EIF4G1: variants seen among roughly 807,000 people sequenced by gnomAD.
EIF4G1 encodes the protein EIF4-gamma.
In EIF4G1, 4 loss-of-function variants were observed where a neutral mutation model predicts 187.8. The observed-to-expected ratio is 0.02, with a 90% CI of 0.01 to 0.05. The LOEUF (loss-of-function observed/expected upper bound fraction) is 0.05, where lower values mean the gene tolerates loss of function less well. Ranked by LOEUF, EIF4G1 falls within the 10% of genes least tolerant of loss-of-function variation. The probability of loss-of-function intolerance (pLI) is 1.00; values close to 1 mark genes in which losing one functional copy is unlikely to be tolerated. For synonymous variants in EIF4G1, 844 were observed against 781.4 expected (o/e 1.08, Z -1.34); for missense variants, 1,647 against 2,081.1 (o/e 0.79, Z 4.06).
chr3:184,317,242 A>G lies in EIF4G1; in HGVS notation c.148-79A>G, dbSNP rs970018384. 12 of 1,503,310 alleles carry G rather than the reference A, an allele frequency of 8.0e-6. No individual in the cohort carries two copies. In the African/African-American group the frequency reaches 8.3e-5, roughly 10 times the overall value. The allele number at this position is 1,503,310 out of a possible 1,614,324, so 93.1% of individuals were successfully genotyped here. On this transcript the variant is annotated intron_variant, in intron 4 of 32. Coordinates refer to ENST00000346169, the MANE Select transcript of EIF4G1 (RefSeq NM_198241.3). The stretch of plus-strand genomic sequence containing the variant: ...AGCCCACAGTACTTCTTTCCAGGCT[A>G]TAGAGACATTGTGGAGTGGCAATTT...
rs1217835541 is a variant in EIF4G1, at chr3:184,335,297, T to TGGGCAGGGGGAAGGGG, written c.*395_*410dup. On this transcript the variant is annotated 3_prime_UTR_variant, in exon 33 of 33. Transcript: ENST00000346169. ...CCCCTGTACCACCCCTGCTGTTGCC[T>TGGGCAGGGGGAAGGGG]GGGCAGGGGGAAGGGGGGGCACGGT... is the stretch of plus-strand genomic sequence containing the variant. 4.1e-6 allele frequency: 1 copy of TGGGCAGGGGGAAGGGG among 246,062 alleles called. No homozygotes were observed. Among genetic ancestry groups the TGGGCAGGGGGAAGGGG allele is most frequent in the Non-Finnish European group, 8.1e-6 (1 of 123,048 alleles). 15.2% of individuals were successfully genotyped at this position (246,062 alleles called of 1,614,324 possible). A position where few individuals can be genotyped will look rare whatever the true frequency, so the allele number is the denominator to read the frequency against.
rs1724671410 is a variant in EIF4G1, at chr3:184,325,270, C to T, written c.2858C>T (p.Pro953Leu). 6.2e-7 allele frequency: 1 copy of T among 1,614,106 alleles called. No individual in the cohort carries two copies. Among genetic ancestry groups the T allele is most frequent in the South Asian group, 1.1e-5 (1 of 91,074 alleles). ...GTCTGATGCCTTTCTCCTTCCTAGC[C>T]CCGAATGGATCAGTATTTCAACCAG... ...GKDLDFEKAK[P>L]RMDQYFNQME... The change falls in exon 19 of 33, where the codon CCC (proline) becomes CTC (leucine). Residue 953 changes from proline to leucine, a missense_variant and splice_region_variant. Physicochemically the swap from Pro to Leu is moderately conservative, Grantham distance 98. This residue lies in a region of EIF4G1 where 142 missense variants were observed against 296.6 expected (regional missense o/e 0.48). Coordinates refer to ENST00000346169, the MANE Select transcript of EIF4G1 (RefSeq NM_198241.3). The surrounding 1 kb of genome is among the most constrained non-coding windows in gnomAD (Gnocchi z 5.2).
Position 184,334,446 on chromosome 3 carries a change from TC to T in EIF4G1, c.4619-280del. Among the ~76,000 whole-genome samples the T allele has an allele frequency of 6.6e-6, 1 of 152,206 alleles. No individual in the cohort carries two copies. Among genetic ancestry groups the T allele is most frequent in the South Asian group, 2.1e-4 (1 of 4,836 alleles). ...GGAGTACCAATTCTGAATATAGTTT[TC>T]TCCATTAAATACATCATGGGCAGAG... On this transcript the variant is annotated intron_variant, in intron 32 of 32. Coordinates refer to ENST00000346169, the MANE Select transcript of EIF4G1 (RefSeq NM_198241.3). This position sits in a 1 kb window ranked among gnomAD's most constrained non-coding sequence, Gnocchi z 5.8.
rs752159214 is a variant in EIF4G1 at position 184,334,769 on chromosome 3, T to C, written c.4661T>C (p.Val1554Ala). 2 of 1,614,170 alleles carry C rather than the reference T, an allele frequency of 1.2e-6. No individual in the cohort carries two copies. Among genetic ancestry groups the C allele is most frequent in the East Asian group, 4.5e-5 (2 of 44,876 alleles). The part of the protein sequence containing the change: ...MFFDALYDED[V>A]VKEDAFYSWE... ...TTTGACGCACTGTATGACGAGGACGTGGTGAAGGAGGATGCCTTCTACAGT... is the reference window on the plus strand; with the variant it reads ...TTTGACGCACTGTATGACGAGGACGCGGTGAAGGAGGATGCCTTCTACAGT... Residue 1554 changes from valine to alanine, a missense_variant, in exon 33 of 33, where the codon GTG becomes GCG. Val to Ala is a moderately conservative substitution (Grantham distance 64). This residue lies in a region of EIF4G1 where 543 missense variants were observed against 638.0 expected (regional missense o/e 0.85). Coordinates refer to ENST00000346169, the MANE Select transcript of EIF4G1 (RefSeq NM_198241.3). The surrounding 1 kb of genome is among the most constrained non-coding windows in gnomAD (Gnocchi z 5.8).
intron 28 of EIF4G1, among the ~76,000 whole-genome samples, chr3:184,329,756 G>C (rs1465138919): frequency 6.6e-6 from 1 of 152,220 alleles, no homozygotes; most frequent in Non-Finnish European, 1.5e-5. Context: ...ATTTGTGACA[G>C]GAGGCTTTCA....
In EIF4G1 at chr3:184,317,702, C is replaced by G; in HGVS notation, c.325-15C>G. On this transcript the variant is annotated splice_polypyrimidine_tract_variant and intron_variant, in intron 5 of 32. Coordinates refer to ENST00000346169, the MANE Select transcript of EIF4G1 (RefSeq NM_198241.3). ...TCCCTCAACTCCTTCTCTCCCTCTCCCCCTTCCCCACCAGGGGCGTTCCAC... is the reference window on the plus strand; with the variant it reads ...TCCCTCAACTCCTTCTCTCCCTCTCGCCCTTCCCCACCAGGGGCGTTCCAC... 6.2e-7 allele frequency: 1 copy of G among 1,609,408 alleles called. No homozygotes were observed. Among genetic ancestry groups the G allele is most frequent in the Admixed American group, 1.7e-5 (1 of 60,014 alleles).
At chr3:184,324,390 C>T (rs776811673) in intron 17 of EIF4G1, 43 bp downstream of exon 17, 2 of 1,613,580 alleles carry the variant, frequency 1.2e-6, no homozygotes, top group South Asian at 1.1e-5. Flanking sequence ...CACTTACCTC[C>T]TTCCCTTACC....
chr3:184,317,662 T>TA, intron 5 of EIF4G1, 55 bp from the exon 6 acceptor site: 1 of 1,552,176 alleles, frequency 6.4e-7, no homozygotes. Context: ...TGGAGTCTGA[T>TA]ATGGAACTCA....
chr3:184,331,795 A>G lies in EIF4G1; in HGVS notation c.4463A>G (p.Tyr1488Cys). ...LVRALMTAVC[Y>C]SAIIFETPLR... ...CGAGCCCTCATGACGGCTGTCTGCT[A>G]TTCTGCAATTATTTGTAAGAGGAAC... is the stretch of plus-strand genomic sequence containing the variant. The change falls in exon 31 of 33, where the codon TAT (tyrosine) becomes TGT (cysteine). Residue 1488 changes from tyrosine (Y) to cysteine (C), a missense_variant. Physicochemically the swap from Tyr to Cys is radical, Grantham distance 194. Around this residue, in one of 11 missense-constraint regions of EIF4G1, gnomAD observed 543 missense variants for 638.0 expected, o/e 0.85. Transcript: ENST00000346169. 2 of 1,614,176 alleles carry G rather than the reference A, an allele frequency of 1.2e-6. No individual in the cohort carries two copies. Among genetic ancestry groups the G allele is most frequent in the Non-Finnish European group, 1.7e-6 (2 of 1,180,038 alleles).
chr3:184,321,181 C>A, intron 9 of EIF4G1, 101 bp from the exon 10 acceptor site: 1 of 1,530,188 alleles, frequency 6.5e-7, no homozygotes. Flanking sequence ...GAAGATGATG[C>A]GGGGTTATTA....
chr3:184,333,778 G>T (rs1234842970), intron 32 of EIF4G1, among the ~76,000 whole-genome samples: 9 of 152,210 alleles, frequency 5.9e-5, no homozygotes, highest in African/African-American at 2.2e-4. Flanking sequence ...TTGAAAACAG[G>T]GCTTTTTGTT....
At position 184,325,632 on chromosome 3, in the gene EIF4G1, T is replaced by C; in HGVS notation, c.3114T>C (p.Pro1038=). ...SDKRRGGPPG[P]PISRGLPLVD... The stretch of plus-strand genomic sequence containing the variant: ...AGCGTCGGGGCGGTCCTCCAGGCCC[T>C]CCCATCAGTGAGTTCCAAGCTGGGA... Residue 1038 remains proline (P), a synonymous_variant, in exon 20 of 33, where the codon CCT becomes CCC. Transcript: ENST00000346169. This position sits in a 1 kb window ranked among gnomAD's most constrained non-coding sequence, Gnocchi z 5.2. 1 of 1,614,102 alleles carries C rather than the reference T, an allele frequency of 6.2e-7. No individual in the cohort carries two copies. Among genetic ancestry groups the C allele is most frequent in the Non-Finnish European group, 8.5e-7 (1 of 1,180,022 alleles).
chr3:184,320,032 G>T (rs768333855), intron 7 of EIF4G1, among the ~76,000 whole-genome samples: 2 of 152,168 alleles, frequency 1.3e-5, no homozygotes, highest in African/African-American at 2.4e-5. Flanking sequence ...GCGAGACCTG[G>T]GTGCTGGGGG....
intron 23 of EIF4G1, 51 bp from the exon 24 acceptor site, chr3:184,327,163 CAT>C: frequency 6.2e-7 from 1 of 1,604,958 alleles, no homozygotes; most frequent in Non-Finnish European, 8.5e-7. Context: ...TGTGTAATTA[CAT>C]GAGTGCCTGG....
chr3:184,323,943 T>G lies in EIF4G1; in HGVS notation c.2438T>G (p.Val813Gly). ...EKAISEPNFS[V>G]AYANMCRCLM... ...GCCATTTCAGAGCCCAACTTCTCTGTGGCCTATGCCAACATGTGCCGCTGC... is the reference window on the plus strand; with the variant it reads ...GCCATTTCAGAGCCCAACTTCTCTGGGGCCTATGCCAACATGTGCCGCTGC... The change falls in exon 16 of 33, where the codon GTG becomes GGG. Residue 813 changes from valine (V) to glycine (G), a missense_variant. Val to Gly is a moderately radical substitution (Grantham distance 109). Coordinates refer to ENST00000346169, the MANE Select transcript of EIF4G1 (RefSeq NM_198241.3). This position sits in a 1 kb window ranked among gnomAD's most constrained non-coding sequence, Gnocchi z 6.9. 1 of 1,614,094 alleles carries G rather than the reference T, an allele frequency of 6.2e-7. No homozygotes were observed. The highest frequency in any genetic ancestry group is 8.5e-7 in the Non-Finnish European group (1 of 1,180,042).
Position 184,322,939 on chromosome 3 carries a change from C to A in EIF4G1, c.1914C>A (p.Asp638Glu). ...QKPEGLPHISDVVLDKANKTP... is the reference protein window; with the variant it reads ...QKPEGLPHISEVVLDKANKTP... ...CAGAGGGATTGCCACATATCAGTGA[C>A]GTGGTGCTGGACAAGGTTAGTGGCT... is the stretch of plus-strand genomic sequence containing the variant. Residue 638 changes from aspartate (D) to glutamate (E), a missense_variant, in exon 13 of 33, where the codon GAC becomes GAA. By Grantham distance (45) the Asp-to-Glu change is conservative. This residue lies in a region of EIF4G1 where 140 missense variants were observed against 222.2 expected (regional missense o/e 0.63). Transcript: ENST00000346169. The A allele has an allele frequency of 6.2e-6, 10 of 1,614,134 alleles. No individual in the cohort carries two copies. Among genetic ancestry groups the A allele is most frequent in the Non-Finnish European group, 8.5e-6 (10 of 1,180,028 alleles).
chr3:184,334,857 A>G lies in EIF4G1; in HGVS notation c.4749A>G (p.Thr1583=). The G allele has an allele frequency of 1.2e-6, 2 of 1,614,236 alleles. No individual in the cohort carries two copies. The highest frequency in any genetic ancestry group is 1.7e-6 in the Non-Finnish European group (2 of 1,180,026). The change falls in exon 33 of 33, where the codon ACA becomes ACG. Residue 1583 remains threonine, a synonymous_variant. Transcript: ENST00000346169. This position sits in a 1 kb window ranked among gnomAD's most constrained non-coding sequence, Gnocchi z 5.8. ...QGKGVALKSV[T]AFFKWLREAE... ...AGGGTGTGGCCCTTAAATCTGTCACAGCCTTCTTCAAGTGGCTCCGTGAAG... is the reference window on the plus strand; with the variant it reads ...AGGGTGTGGCCCTTAAATCTGTCACGGCCTTCTTCAAGTGGCTCCGTGAAG...
At position 184,325,425 on chromosome 3, in the gene EIF4G1, A is replaced by C; in HGVS notation, c.2961+52A>C. 6.2e-7 allele frequency: 1 copy of C among 1,614,116 alleles called. No individual in the cohort carries two copies. On this transcript the variant is annotated intron_variant, in intron 19 of 32. Coordinates refer to ENST00000346169, the MANE Select transcript of EIF4G1 (RefSeq NM_198241.3). The surrounding 1 kb of genome is among the most constrained non-coding windows in gnomAD (Gnocchi z 5.2). ...CAGCCTGCTGCCTCCAGTTTCTGAC[A>C]CTGCCTTGTCTTGCCTTCCCTGACA...
intron 26 of EIF4G1, 67 bp downstream of exon 26, chr3:184,328,069 C>A: frequency 6.4e-7 from 1 of 1,556,610 alleles, no homozygotes; most frequent in South Asian, 1.1e-5. Context: ...TTTTTGGGAC[C>A]CTTGGAACCT....
Sources: allele counts gnomAD v4.1 joint callset (sites outside exome capture counted in the v4.1 genomes callset), GRCh38; gene constraint gnomAD v4.1.1; regional missense constraint gnomAD v4.1.1; non-coding constraint Gnocchi (gnomAD v3.1); transcripts MANE v1.5; gene names NCBI Gene and HGNC (gene_info 2026-07-23, HGNC 2026-07-21).